The following CFAP20DC variants were observed in gnomAD, a reference collection of about 807,000 sequenced individuals.
CFAP20DC encodes protein CFAP20DC.
In CFAP20DC, 84 loss-of-function variants were observed where a neutral mutation model predicts 101.7. The ratio of observed to expected loss-of-function variants is 0.83; its 90% CI spans 0.69 to 0.99. The LOEUF is 0.99. CFAP20DC is among the 50% of genes least tolerant of loss of function. CFAP20DC has a pLI of 0.00. For missense variants in CFAP20DC, 1,007 were observed against 970.3 expected, an observed-to-expected ratio of 1.04 and a Z score of -0.50; for synonymous variants, 359 against 351.2, an observed-to-expected ratio of 1.02 and a Z score of -0.25.
Position 59,026,773 on chromosome 3 carries a change from T to C in CFAP20DC, c.278+12784A>G, listed in dbSNP as rs1167510588. ...CAAAATTCAATAGGGTAGAAGACTC[T>C]GAAACTTCTATTAGATTTATTTTCT... On this transcript the variant is annotated intron_variant, in intron 4 of 16. Coordinates refer to ENST00000482387, the MANE Select transcript of CFAP20DC (RefSeq NM_001394063.1). 3.9e-5 allele frequency among the ~76,000 whole-genome samples: 6 copies of C among 152,340 alleles called. No homozygotes were observed. The East Asian group carries it at 1.2e-3, about 29-fold the overall frequency.
chr3:58,836,819 T>C (rs1406580340), intron 13 of CFAP20DC, among the ~76,000 whole-genome samples: 1 of 151,930 alleles, frequency 6.6e-6, no homozygotes, highest in East Asian at 1.9e-4. Flanking sequence ...ACAAAGGAAA[T>C]GGTGGCTGTT....
chr3:58,796,839 A>C (rs9855890), intron 15 of CFAP20DC, among the ~76,000 whole-genome samples: 15,943 of 152,120 alleles, frequency 0.1, 1,428 homozygotes, highest in East Asian at 0.35. Context: ...GTAATTCTCT[A>C]AATATTTCAA....
chr3:58,811,039 T>C (rs60057996), intron 14 of CFAP20DC, among the ~76,000 whole-genome samples: 13,086 of 152,164 alleles, frequency 0.086, 643 homozygotes, highest in Middle Eastern at 0.12. Flanking sequence ...AAATCACTGC[T>C]CAGTGAAATA....
intron 4 of CFAP20DC, among the ~76,000 whole-genome samples, chr3:59,033,831 A>T (rs561726869): frequency 6.6e-6 from 1 of 152,334 alleles, no homozygotes; most frequent in Admixed American, 6.5e-5. Flanking sequence ...CAACATTCAA[A>T]TTCAGGAAAT....
intron 13 of CFAP20DC, among the ~76,000 whole-genome samples, chr3:58,843,309 A>C (rs1185213909): frequency 1.3e-5 from 2 of 151,890 alleles, no homozygotes; most frequent in Admixed American, 1.3e-4. Context: ...AATACAGAGA[A>C]GTGCTTAAAG....
chr3:58,994,302 C>CT (rs1234085535), intron 4 of CFAP20DC, among the ~76,000 whole-genome samples: 1 of 152,162 alleles, frequency 6.6e-6, no homozygotes, highest in African/African-American at 2.4e-5. Context: ...GCTCACAGGC[C>CT]TTTTTCTGCC....
intron 15 of CFAP20DC, among the ~76,000 whole-genome samples, chr3:58,767,542 A>T (rs1389451713): frequency 6.6e-6 from 1 of 152,128 alleles, no homozygotes; most frequent in African/African-American, 2.4e-5. Context: ...ACTCTTTTGC[A>T]TATCTCTTTT....
chr3:58,721,806 C>T lies in CFAP20DC; in HGVS notation c.198-4178G>A, dbSNP rs2067477089. ...TCTCAACACATTCCTTTCAGAGAAC[C>T]AGGGCAGGAATCCAAAGTGGAGACC... On this transcript the variant is annotated intron_variant, in intron 3 of 3. Transcript: ENST00000486145. This position sits in a 1 kb window ranked among gnomAD's most constrained non-coding sequence, Gnocchi z 5.2. Among the ~76,000 whole-genome samples, 2 of 152,296 alleles carry T rather than the reference C, an allele frequency of 1.3e-5. No homozygotes were observed. Among genetic ancestry groups the T allele is most frequent in the South Asian group, 4.1e-4 (2 of 4,820 alleles).
At chr3:58,760,841 T>C (rs552205013) in intron 15 of CFAP20DC, among the ~76,000 whole-genome samples, 55 of 152,346 alleles carry the variant, frequency 3.6e-4, no homozygotes, top group African/African-American at 1.3e-3. Context: ...TTACATTTAT[T>C]TATTTGCGTA....
At chr3:58,934,014 T>C (rs1170265820) in intron 5 of CFAP20DC, among the ~76,000 whole-genome samples, 2 of 152,068 alleles carry the variant, frequency 1.3e-5, no homozygotes, top group Non-Finnish European at 2.9e-5. Flanking sequence ...ACAAAATTGA[T>C]AGACCACTAG....
chr3:58,764,035 T>G (rs2069990059), intron 15 of CFAP20DC, among the ~76,000 whole-genome samples: 1 of 152,200 alleles, frequency 6.6e-6, no homozygotes, highest in Non-Finnish European at 1.5e-5. Context: ...AGCTGCATGC[T>G]GGGAGAACCA....
chr3:59,045,731 T>C (rs1467323633), intron 3 of CFAP20DC, among the ~76,000 whole-genome samples: 1 of 152,104 alleles, frequency 6.6e-6, no homozygotes, highest in Non-Finnish European at 1.5e-5. Context: ...AGTATATGAG[T>C]TGACATGTCA....
chr3:58,872,101 A>G (rs1330586527), intron 7 of CFAP20DC, among the ~76,000 whole-genome samples: 1 of 152,154 alleles, frequency 6.6e-6, no homozygotes, highest in Non-Finnish European at 1.5e-5. Context: ...AGGGCAGGTG[A>G]GGGTGATAGC....
chr3:58,825,510 T>G (rs2075979381), intron 14 of CFAP20DC, among the ~76,000 whole-genome samples: 2 of 150,534 alleles, frequency 1.3e-5, no homozygotes, highest in African/African-American at 2.5e-5. Context: ...TGTCCATTGA[T>G]AGCTGTTCCT....
intron 15 of CFAP20DC, among the ~76,000 whole-genome samples, chr3:58,780,518 G>C (rs1244251034): frequency 3.3e-5 from 5 of 151,770 alleles, no homozygotes; most frequent in African/African-American, 1.2e-4. Context: ...TAAAAAAAAA[G>C]ATCCAAGTAT....
Position 58,785,120 on chromosome 3 carries a change from G to C in CFAP20DC, c.2237+21275C>G, listed in dbSNP as rs547464220. On this transcript the variant is annotated intron_variant, in intron 15 of 16. Coordinates refer to ENST00000482387, the MANE Select transcript of CFAP20DC (RefSeq NM_001394063.1). The stretch of plus-strand genomic sequence containing the variant: ...TCTTTTATGGCTGAATACTATTATT[G>C]TCTTTGCAGCAACATGGGTGGGACC... Among the ~76,000 whole-genome samples the C allele has an allele frequency of 6.8e-4, 104 of 152,070 alleles. No homozygotes were observed. In the Middle Eastern group the frequency reaches 0.01, roughly 15 times the overall value.
intron 15 of CFAP20DC, among the ~76,000 whole-genome samples, chr3:58,792,776 T>C (rs887552439): frequency 4.0e-5 from 6 of 151,894 alleles, no homozygotes; most frequent in Non-Finnish European, 7.4e-5. Flanking sequence ...AATGAAAATA[T>C]AAAGACAAAT....
At chr3:59,041,057 A>C (rs1351004056) in intron 3 of CFAP20DC, among the ~76,000 whole-genome samples, 1 of 152,112 alleles carries the variant, frequency 6.6e-6, no homozygotes, top group Non-Finnish European at 1.5e-5. Flanking sequence ...AATGAGGCCA[A>C]CTTAAATAAA....
Position 58,849,304 on chromosome 3 carries a change from T to A in CFAP20DC, c.1699A>T (p.Lys567Ter). The change falls in exon 13 of 17, where the codon AAG (lysine) becomes TAG (stop). Residue 567 changes from lysine (K) to a stop codon, truncating the protein, a stop_gained. Coordinates refer to ENST00000482387, the MANE Select transcript of CFAP20DC (RefSeq NM_001394063.1). LOFTEE classifies it high-confidence loss of function. ...GTGTAGGCGCTCCTTAGATATTCCT[T>A]ACTTGTCCGCTTTGCAGCCTTCCCC... ...LLGKAAKRTS[K>*]EYLRSAYTEA... 6.5e-7 allele frequency: 1 copy of A among 1,536,146 alleles called. No individual in the cohort carries two copies.
Sources: allele counts gnomAD v4.1 joint callset (sites outside exome capture counted in the v4.1 genomes callset), GRCh38; gene constraint gnomAD v4.1.1; non-coding constraint Gnocchi (gnomAD v3.1); transcripts MANE v1.5; gene names NCBI Gene and HGNC (gene_info 2026-07-23, HGNC 2026-07-21).